KIF13A: variants seen among roughly 807,000 people sequenced by gnomAD.
The protein encoded by KIF13A is kinesin-like protein KIF13A.
A neutral mutation model predicts 212.2 loss-of-function variants in KIF13A; 79 were observed. That is an observed-to-expected ratio of 0.37 (90% CI 0.31 to 0.45). The LOEUF (loss-of-function observed/expected upper bound fraction) is 0.45. KIF13A is among the 20% of genes least tolerant of loss of function. KIF13A has a pLI of 1.00. For synonymous variants in KIF13A, 789 were observed against 808.6 expected, an observed-to-expected ratio of 0.98 and a Z score of 0.41; for missense variants, 1,901 against 2,209.0, an observed-to-expected ratio of 0.86 and a Z score of 2.79.
chr6:17,882,552 T>A (rs1285563818), intron 3 of KIF13A, among the ~76,000 whole-genome samples: 1 of 151,940 alleles, frequency 6.6e-6, no homozygotes, highest in Admixed American at 6.6e-5. Context: ...ATCTCAAATG[T>A]CACTCCTTTA....
In KIF13A at chr6:17,914,658, G is replaced by A. The variant is rs541462287; in HGVS notation, c.147-16478C>T. On this transcript the variant is annotated intron_variant, in intron 2 of 38. Coordinates refer to ENST00000259711, the MANE Select transcript of KIF13A (RefSeq NM_022113.6). This position sits in a 1 kb window ranked among gnomAD's most constrained non-coding sequence, Gnocchi z 5.9. The stretch of plus-strand genomic sequence containing the variant: ...ACGGGTCACAGGCATCAGGTAAAGT[G>A]TGTGGCAGGGTCTCTGTGGAGCAGG... Among the ~76,000 whole-genome samples, 6 of 152,280 alleles carry A rather than the reference G, an allele frequency of 3.9e-5. No individual in the cohort carries two copies. In the South Asian group the frequency reaches 1.2e-3, roughly 32 times the overall value.
rs1291702559 is a variant in KIF13A, at chr6:17,987,564, GGCC to G, written c.-104_-102del. The G allele has an allele frequency of 7.2e-6, 4 of 554,640 alleles. No homozygotes were observed. The highest frequency in any genetic ancestry group is 9.1e-6 in the Non-Finnish European group (4 of 437,880). 34.4% of individuals were successfully genotyped at this position (554,640 alleles called of 1,614,324 possible). Reference sequence around the variant, plus strand: ...CTGCAGCCGCGCGCCCCTCGAGCGCGGCCGCCGCCGCTCCGCCGTGAGCTCCGA... The same window carrying G: ...CTGCAGCCGCGCGCCCCTCGAGCGCGGCCGCCGCTCCGCCGTGAGCTCCGA... On this transcript the variant is annotated 5_prime_UTR_variant, in exon 1 of 39. Coordinates refer to ENST00000259711, the MANE Select transcript of KIF13A (RefSeq NM_022113.6). The surrounding 1 kb of genome is among the most constrained non-coding windows in gnomAD (Gnocchi z 7.7).
In KIF13A at chr6:17,872,468, T is replaced by C. The variant is rs1327759687; in HGVS notation, c.220+909A>G. ...AGTTAATAACAACGTACTGTATTCC[T>C]GAAAATTGCTAACTGAGTAGACTTT... On this transcript the variant is annotated intron_variant, in intron 4 of 38. Transcript: ENST00000259711. This position sits in a 1 kb window ranked among gnomAD's most constrained non-coding sequence, Gnocchi z 4.7. Among the ~76,000 whole-genome samples the C allele has an allele frequency of 6.6e-6, 1 of 152,180 alleles. No individual in the cohort carries two copies. Among genetic ancestry groups the C allele is most frequent in the Non-Finnish European group, 1.5e-5 (1 of 68,030 alleles).
At chr6:17,936,842 G>GA (rs374057521) in intron 2 of KIF13A, among the ~76,000 whole-genome samples, 30 of 150,802 alleles carry the variant, frequency 2.0e-4, no homozygotes, top group South Asian at 6.3e-4. Flanking sequence ...GCATTCCTTT[G>GA]AAAAAAAAAT....
At chr6:17,946,707 A>G (rs1777430080) in intron 2 of KIF13A, among the ~76,000 whole-genome samples, 1 of 152,244 alleles carries the variant, frequency 6.6e-6, no homozygotes, top group South Asian at 2.1e-4. Flanking sequence ...TGCACATAGT[A>G]AAGTTTAACA....
intron 9 of KIF13A, among the ~76,000 whole-genome samples, chr6:17,847,815 A>G (rs1325062421): frequency 6.6e-6 from 1 of 151,958 alleles, no homozygotes; most frequent in Admixed American, 6.6e-5. Context: ...TACTATTATT[A>G]TTATTATTTT....
chr6:17,977,928 CAAAA>C, intron 2 of KIF13A, among the ~76,000 whole-genome samples: 1 of 152,162 alleles, frequency 6.6e-6, no homozygotes, highest in Non-Finnish European at 1.5e-5. Flanking sequence ...GTTACCTGTG[CAAAA>C]ACATTTTAGA....
Position 17,851,990 on chromosome 6 carries a change from C to G in KIF13A, c.547G>C (p.Asp183His), listed in dbSNP as rs200098741. The change falls in exon 7 of 39, where the codon GAT becomes CAT. Residue 183 changes from aspartate to histidine, a missense_variant. Transcript: ENST00000259711. ...GTGACAGCTAGTTGAGATAAACCAT[C>G]TACATATGGTCCCAAAACTTTATGT... Reference protein sequence around the residue: ...REHKVLGPYVDGLSQLAVTSF... With the variant: ...REHKVLGPYVHGLSQLAVTSF... 4.6e-5 allele frequency: 72 copies of G among 1,556,638 alleles called. No homozygotes were observed. In the East Asian group the frequency reaches 1.7e-3, roughly 37 times the overall value.
intron 3 of KIF13A, among the ~76,000 whole-genome samples, chr6:17,879,622 C>G (rs76295687): frequency 0.02 from 3,082 of 152,242 alleles, 44 homozygotes; most frequent in Non-Finnish European, 0.032. Context: ...GTAGTCTGCA[C>G]AGAAATTAGA....
intron 3 of KIF13A, among the ~76,000 whole-genome samples, chr6:17,889,475 T>C (rs762729398): frequency 5.3e-5 from 8 of 152,124 alleles, no homozygotes; most frequent in South Asian, 4.1e-4. Context: ...AACAAAACAA[T>C]TGTGAGTTTA....
In KIF13A at chr6:17,783,674, G is replaced by A. The variant is rs1017225502; in HGVS notation, c.3516C>T (p.His1172=). 1.9e-6 allele frequency: 3 copies of A among 1,582,180 alleles called. No individual in the cohort carries two copies. The highest frequency in any genetic ancestry group is 2.6e-6 in the Non-Finnish European group (3 of 1,160,532). ...DWIPPPGMET[H]IPVLFLDLNA... Reference sequence around the variant, plus strand: ...TCAAATCGAGGAAGAGAACTGGTATGTGGGTTTCCATTCCAGGAGGTGGGA... The same window carrying A: ...TCAAATCGAGGAAGAGAACTGGTATATGGGTTTCCATTCCAGGAGGTGGGA... Residue 1172 remains histidine (H), a synonymous_variant, in exon 29 of 39, where the codon CAC becomes CAT. Coordinates refer to ENST00000259711, the MANE Select transcript of KIF13A (RefSeq NM_022113.6). The surrounding 1 kb of genome is among the most constrained non-coding windows in gnomAD (Gnocchi z 4.3).
Position 17,764,991 on chromosome 6 carries a change from C to A in KIF13A, c.4582-45G>T. On this transcript the variant is annotated intron_variant, in intron 38 of 38. Coordinates refer to ENST00000259711, the MANE Select transcript of KIF13A (RefSeq NM_022113.6). The surrounding 1 kb of genome is among the most constrained non-coding windows in gnomAD (Gnocchi z 5.1). ...GTCAGTCATTAGCTCCTTGTAGCAA[C>A]TGTACTGTTGAGACAAGTTTTAAAT... The A allele has an allele frequency of 1.4e-6, 2 of 1,435,946 alleles. No individual in the cohort carries two copies. The highest frequency in any genetic ancestry group is 1.9e-6 in the Non-Finnish European group (2 of 1,055,438). The allele number at this position is 1,435,946 out of a possible 1,614,324, so 89.0% of individuals were successfully genotyped here.
chr6:17,940,828 T>TTA (rs1554119589), intron 2 of KIF13A, among the ~76,000 whole-genome samples: 95 of 150,960 alleles, frequency 6.3e-4, no homozygotes, highest in African/African-American at 2.2e-3. Flanking sequence ...TTTTTTTTTT[T>TTA]TTTTTTTTTT....
downstream of KIF13A, among the ~76,000 whole-genome samples, chr6:17,761,878 C>T (rs1348426702): frequency 2.0e-5 from 3 of 152,062 alleles, no homozygotes; most frequent in Non-Finnish European, 4.4e-5. Context: ...CTTCCCTCTT[C>T]TATGGGCAGT....
intron 16 of KIF13A, among the ~76,000 whole-genome samples, chr6:17,822,626 C>CG (rs1185975822): frequency 6.6e-6 from 1 of 152,038 alleles, no homozygotes; most frequent in African/African-American, 2.4e-5. Flanking sequence ...GCAGAGTTAG[C>CG]GACTAGAGAT....
intron 2 of KIF13A, among the ~76,000 whole-genome samples, chr6:17,932,176 A>T (rs2150538079): frequency 6.6e-6 from 1 of 152,318 alleles, no homozygotes; most frequent in South Asian, 2.1e-4. Context: ...ATACACACAC[A>T]TAACTTTTCC....
intron 2 of KIF13A, among the ~76,000 whole-genome samples, chr6:17,933,404 A>ATTT (rs11377627): frequency 1.7e-4 from 19 of 114,588 alleles, no homozygotes; most frequent in East Asian, 2.6e-4. Context: ...CACCCAGCTC[A>ATTT]TTTTTTTTTT....
Position 17,931,995 on chromosome 6 carries a change from G to T in KIF13A, c.147-33815C>A, listed in dbSNP as rs59363044. On this transcript the variant is annotated intron_variant, in intron 2 of 38. Transcript: ENST00000259711. ...TGTGGTCCCCAGACTAACAGCATCA[G>T]CATCACCTGGAAACTCACTGGAAAA... Among the ~76,000 whole-genome samples, 1,058 of 152,108 alleles carry T rather than the reference G, an allele frequency of 7.0e-3. 17 individuals are homozygous for T. Among genetic ancestry groups the T allele is most frequent in the African/African-American group, 0.025 (1,027 of 41,492 alleles).
chr6:17,867,690 GACC>G (rs1201799567), intron 4 of KIF13A, among the ~76,000 whole-genome samples: 6 of 152,192 alleles, frequency 3.9e-5, no homozygotes, highest in Non-Finnish European at 8.8e-5. Flanking sequence ...CATTCAAACA[GACC>G]ACCTGAATAG....
Sources: allele counts gnomAD v4.1 joint callset (sites outside exome capture counted in the v4.1 genomes callset), GRCh38; gene constraint gnomAD v4.1.1; non-coding constraint Gnocchi (gnomAD v3.1); transcripts MANE v1.5; gene names NCBI Gene and HGNC (gene_info 2026-07-23, HGNC 2026-07-21).